Variants in PTPRB observed in about 807,000 individuals in gnomAD.
PTPRB encodes protein tyrosine phosphatase receptor type B.
Under a neutral mutation model 238.1 loss-of-function variants are expected in PTPRB, and 97 were observed. The observed-to-expected ratio is 0.41, with a 90% confidence interval of 0.35 to 0.48. The LOEUF (loss-of-function observed/expected upper bound fraction) is 0.48, where lower values mean the gene tolerates loss of function less well. Among genes scored for constraint, PTPRB ranks in the 20% least tolerant of loss-of-function variants. The pLI is 0.30. For synonymous variants in PTPRB, 970 were observed against 995.4 expected (o/e 0.97, Z 0.48); for missense variants, 2,292 against 2,681.9 (o/e 0.85, Z 3.21).
chr12:70,537,892 G>C (rs1565913444), intron 28 of PTPRB: 1 of 323,202 alleles, frequency 3.1e-6, no homozygotes, highest in Non-Finnish European at 5.6e-6. Context: ...CTCTCATCTT[G>C]GTTAAGGACT....
At chr12:70,595,371 C>G (rs562309870) in intron 5 of PTPRB, among the ~76,000 whole-genome samples, 3 of 152,074 alleles carry the variant, frequency 2.0e-5, no homozygotes, top group South Asian at 2.1e-4. Context: ...ATGGGTGCAG[C>G]AAACCACCAT....
In PTPRB at chr12:70,538,135, T is replaced by C. The variant is rs2303964; in HGVS notation, c.5946+20A>G. 46 of 1,601,560 alleles carry C rather than the reference T, an allele frequency of 2.9e-5. No individual in the cohort carries two copies. In the East Asian group the frequency reaches 9.8e-4, roughly 34 times the overall value. On this transcript the variant is annotated intron_variant, in intron 28 of 33. Transcript: ENST00000334414. ...CACCAAAGCCTCATCCTGAACACTA[T>C]GGCCTAGTGGGTCACTTACAGGGAT... is the stretch of plus-strand genomic sequence containing the variant.
intron 9 of PTPRB, among the ~76,000 whole-genome samples, chr12:70,583,011 G>A (rs1266128218): frequency 1.3e-5 from 2 of 152,100 alleles, no homozygotes; most frequent in Admixed American, 6.6e-5. Context: ...TATTATAATG[G>A]CTATTCCATT....
chr12:70,518,719 C>G lies in PTPRB; in HGVS notation c.*2770G>C, dbSNP rs1871379246. The G allele has an allele frequency of 1.3e-5, 2 of 151,892 alleles. No individual in the cohort carries two copies. The highest frequency in any genetic ancestry group is 2.9e-5 in the Non-Finnish European group (2 of 67,950). The allele number at this position is 151,892 out of a possible 1,614,324, so 9.4% of individuals were successfully genotyped here. On this transcript the variant is annotated 3_prime_UTR_variant, in exon 34 of 34. Coordinates refer to ENST00000334414, the MANE Select transcript of PTPRB (RefSeq NM_001109754.4). ...GAACAATTGGCTGCTTTCCAGAGAA[C>G]AACAGAATGACAATACAAAATTGAT...
At chr12:70,535,271 A>G (rs1592408762) in intron 29 of PTPRB, among the ~76,000 whole-genome samples, 1 of 125,748 alleles carries the variant, frequency 8.0e-6, no homozygotes, top group Admixed American at 1.0e-4. Flanking sequence ...TTTCAGTTCC[A>G]CTAGCAGGTA....
intron 14 of PTPRB, among the ~76,000 whole-genome samples, chr12:70,567,671 T>C (rs1272906176): frequency 6.6e-6 from 1 of 152,214 alleles, no homozygotes; most frequent in African/African-American, 2.4e-5. Context: ...ACTTGTGTCC[T>C]TACCTCCTAC....
intron 7 of PTPRB, among the ~76,000 whole-genome samples, chr12:70,591,485 A>G (rs1882484537): frequency 6.6e-6 from 1 of 152,218 alleles, no homozygotes; most frequent in Non-Finnish European, 1.5e-5. Context: ...TGAGAACTAA[A>G]TGAAATAATG....
intron 22 of PTPRB, among the ~76,000 whole-genome samples, chr12:70,543,567 T>G (rs997055556): frequency 6.6e-6 from 1 of 152,164 alleles, no homozygotes; most frequent in Admixed American, 6.5e-5. Context: ...TTGGCATAAA[T>G]AGATTGGAAT....
rs182131774 is a variant in PTPRB, at chr12:70,567,819, G to A, written c.3635-1115C>T. On this transcript the variant is annotated intron_variant, in intron 14 of 33. Transcript: ENST00000334414. ...GTGATTTGGTCTCTCTACTTACCTG[G>A]CCACATGCCTCACATTTTTTATTCT... 4.9e-4 allele frequency among the ~76,000 whole-genome samples: 74 copies of A among 152,148 alleles called. 3 individuals carry two copies. Among genetic ancestry groups the A allele is most frequent in the Admixed American group, 4.1e-3 (63 of 15,264 alleles).
chr12:70,590,200 T>C lies in PTPRB; in HGVS notation c.1814A>G (p.Asn605Ser). ...TACAAGAGACCTCATCCTGCCATTA[T>C]TGTTTGCCTCCAGGTTTGCAACTTT... is the stretch of plus-strand genomic sequence containing the variant. ...PDKVANLEAN[N>S]NGRMRSLVVS... is the part of the protein sequence containing the mutation. Residue 605 changes from asparagine to serine, a missense_variant, in exon 8 of 34, where the codon AAT becomes AGT. This residue lies in a region of PTPRB where 1,205 missense variants were observed against 1,287.8 expected (regional missense o/e 0.94). Transcript: ENST00000334414. 6.9e-6 allele frequency: 11 copies of C among 1,585,374 alleles called. No individual in the cohort carries two copies. Among genetic ancestry groups the C allele is most frequent in the Non-Finnish European group, 9.4e-6 (11 of 1,164,194 alleles).
At chr12:70,595,992 A>C (rs1470842079) in intron 5 of PTPRB, 57 bp downstream of exon 5, 1 of 1,378,604 alleles carries the variant, frequency 7.3e-7, no homozygotes, top group Non-Finnish European at 9.6e-7. Flanking sequence ...CCTTGAATAA[A>C]GTATAACTTG....
intron 11 of PTPRB, among the ~76,000 whole-genome samples, chr12:70,575,718 A>G (rs1216965289): frequency 6.6e-6 from 1 of 152,250 alleles, no homozygotes; most frequent in Non-Finnish European, 1.5e-5. Flanking sequence ...AATCTCAGGT[A>G]TAAACCCCAG....
At chr12:70,609,027 C>A in intron 4 of PTPRB, 42 bp downstream of exon 4, 32 of 1,604,166 alleles carry the variant, frequency 2.0e-5, no homozygotes, top group Non-Finnish European at 2.6e-5. Context: ...AGGGCCCAAC[C>A]CCGTGTGGCT....
intron 9 of PTPRB, chr12:70,585,199 T>G (rs1390493680): frequency 1.3e-5 from 2 of 152,074 alleles, no homozygotes; most frequent in African/African-American, 4.8e-5. Flanking sequence ...GGCCTCAAGA[T>G]CCACCCATCT....
chr12:70,539,811 G>T lies in PTPRB; in HGVS notation c.5696+16C>A. 2.5e-6 allele frequency: 4 copies of T among 1,597,706 alleles called. No individual in the cohort carries two copies. The highest frequency in any genetic ancestry group is 3.4e-6 in the Non-Finnish European group (4 of 1,165,160). On this transcript the variant is annotated intron_variant, in intron 25 of 33. Transcript: ENST00000334414. ...AAAGGCAGATAATATAGTAATTAATGTGTTCTCTCTCTTACCAAGAAGTTT... is the reference window on the plus strand; with the variant it reads ...AAAGGCAGATAATATAGTAATTAATTTGTTCTCTCTCTTACCAAGAAGTTT...
chr12:70,563,180 G>A, intron 15 of PTPRB, 73 bp from the exon 16 acceptor site: 1 of 1,397,228 alleles, frequency 7.2e-7, no homozygotes, highest in Non-Finnish European at 9.8e-7. Flanking sequence ...GGGGAAGAGG[G>A]AAAAGCAAAC....
chr12:70,580,646 C>G (rs1592527463), intron 10 of PTPRB, among the ~76,000 whole-genome samples: 1 of 151,956 alleles, frequency 6.6e-6, no homozygotes, highest in Non-Finnish European at 1.5e-5. Context: ...GTGGAGAAAC[C>G]CTGTCTCTAC....
intron 3 of PTPRB, among the ~76,000 whole-genome samples, chr12:70,610,010 G>A (rs889435517): frequency 6.6e-6 from 1 of 151,970 alleles, no homozygotes; most frequent in African/African-American, 2.4e-5. Context: ...CGGGCGGGCT[G>A]CGGACGCGAG....
rs184072030 is a variant in PTPRB at position 70,595,354 on chromosome 12, T to C, written c.1259-630A>G. ...TAGGAAAAATATCTAATGTAGATGA[T>C]GGGTTGATGGGTGCAGCAAACCACC... is the stretch of plus-strand genomic sequence containing the variant. On this transcript the variant is annotated intron_variant, in intron 5 of 33. Coordinates refer to ENST00000334414, the MANE Select transcript of PTPRB (RefSeq NM_001109754.4). Among the ~76,000 whole-genome samples, 411 of 152,246 alleles carry C rather than the reference T, an allele frequency of 2.7e-3. 3 individuals carry two copies. Among genetic ancestry groups the C allele is most frequent in the Middle Eastern group, 3.4e-3 (1 of 294 alleles).
Sources: allele counts gnomAD v4.1 joint callset (sites outside exome capture counted in the v4.1 genomes callset), GRCh38; gene constraint gnomAD v4.1.1; regional missense constraint gnomAD v4.1.1; transcripts MANE v1.5; gene names NCBI Gene and HGNC (gene_info 2026-07-23, HGNC 2026-07-21).